SLX4: variants seen among roughly 807,000 people sequenced by gnomAD.
SLX4 encodes SLX4 structure-specific endonuclease subunit.
SLX4 carries 112 observed loss-of-function variants against 146.2 expected under a neutral mutation model. That is an observed-to-expected ratio of 0.77 (90% CI 0.66 to 0.90). The LOEUF (loss-of-function observed/expected upper bound fraction) is 0.90. SLX4 is among the 40% of genes least tolerant of loss of function. SLX4 has a pLI of 0.00. For synonymous variants in SLX4, 1,061 were observed against 997.7 expected, an observed-to-expected ratio of 1.06 and a Z score of -1.20; for missense variants, 2,563 against 2,392.7, an observed-to-expected ratio of 1.07 and a Z score of -1.49.
intron 12 of SLX4, among the ~76,000 whole-genome samples, chr16:3,585,878 G>C (rs901522745): frequency 3.3e-5 from 5 of 151,782 alleles, no homozygotes; most frequent in Non-Finnish European, 7.4e-5. Context: ...AGCTGTTTGT[G>C]GCTGGTTCCA....
chr16:3,596,727 G>A (rs2040663937), intron 7 of SLX4, among the ~76,000 whole-genome samples: 1 of 152,186 alleles, frequency 6.6e-6, no homozygotes. Flanking sequence ...CGTACTGACT[G>A]TAGGGCTACC....
intron 5 of SLX4, among the ~76,000 whole-genome samples, chr16:3,598,884 T>G (rs916831368): frequency 2.0e-5 from 3 of 152,248 alleles, no homozygotes; most frequent in East Asian, 1.9e-4. Context: ...AGGCCAGGTT[T>G]GGGCTGTGGG....
intron 13 of SLX4, among the ~76,000 whole-genome samples, chr16:3,584,360 G>A (rs1312798140): frequency 6.6e-6 from 1 of 151,784 alleles, no homozygotes; most frequent in Admixed American, 6.6e-5. Flanking sequence ...GGTGGAGGTT[G>A]CAGTGAGCCG....
At chr16:3,594,347 G>T (rs578140809) in intron 10 of SLX4, 106 bp downstream of exon 10, 2 of 1,451,408 alleles carry the variant, frequency 1.4e-6, no homozygotes, top group Non-Finnish European at 1.9e-6. Flanking sequence ...AGGGAGAGTG[G>T]GGGGGTGGAA....
Position 3,590,865 on chromosome 16 carries a change from G to A in SLX4, c.2773C>T (p.Gln925Ter). The A allele has an allele frequency of 2.5e-6, 4 of 1,614,138 alleles. No individual in the cohort carries two copies. The highest frequency in any genetic ancestry group is 2.5e-6 in the Non-Finnish European group (3 of 1,180,024). ...CCCTGGGGTGGCGGGAGAGCGCACT[G>A]TCCCATCTTCTCCCAGGTGGTGGCG... The part of the protein sequence containing the change: ...EAATTWEKMG[Q>*]CALPPPQGQH... Residue 925 changes from glutamine (Q) to a stop codon, truncating the protein, a stop_gained, in exon 12 of 15, where the codon CAG becomes TAG. Coordinates refer to ENST00000294008, the MANE Select transcript of SLX4 (RefSeq NM_032444.4). LOFTEE classifies it high-confidence loss of function. The surrounding 1 kb of genome is among the most constrained non-coding windows in gnomAD (Gnocchi z 4.8).
In SLX4 at chr16:3,582,240, C is replaced by T. The variant is rs531417263; in HGVS notation, c.*102G>A. Reference sequence around the variant, plus strand: ...GATGTGGTCCCCAGGCCCAGAAATGCCTGTGGAGGCCTGACCCACGCTGGG... The same window carrying T: ...GATGTGGTCCCCAGGCCCAGAAATGTCTGTGGAGGCCTGACCCACGCTGGG... On this transcript the variant is annotated 3_prime_UTR_variant, in exon 15 of 15. Transcript: ENST00000294008. The T allele has an allele frequency of 6.2e-4, 602 of 966,154 alleles. 1 individual carries two copies. Among genetic ancestry groups the T allele is most frequent in the Middle Eastern group, 4.7e-3 (15 of 3,170 alleles). 59.8% of individuals were successfully genotyped at this position (966,154 alleles called of 1,614,324 possible). A position where few individuals can be genotyped will look rare whatever the true frequency, so the allele number is the denominator to read the frequency against.
Position 3,608,787 on chromosome 16 carries a change from G to T in SLX4, c.178C>A (p.Gln60Lys), listed in dbSNP as rs779955704. Reference protein sequence around the residue: ...DFKELCASFFQRVKKHGIKEV... With the variant: ...DFKELCASFFKRVKKHGIKEV... Reference sequence around the variant, plus strand: ...TTGATTCCATGTTTTTTCACCCTTTGGAAAAAGCTAGCGCAGAGTTCTTTA... The same window carrying T: ...TTGATTCCATGTTTTTTCACCCTTTTGAAAAAGCTAGCGCAGAGTTCTTTA... The change falls in exon 2 of 15, where the codon CAA becomes AAA. Residue 60 changes from glutamine (Q) to lysine (K), a missense_variant. Physicochemically the swap from Gln to Lys is moderately conservative, Grantham distance 53 (BLOSUM62 1). Coordinates refer to ENST00000294008, the MANE Select transcript of SLX4 (RefSeq NM_032444.4). 1 of 1,614,040 alleles carries T rather than the reference G, an allele frequency of 6.2e-7. No individual in the cohort carries two copies. Among genetic ancestry groups the T allele is most frequent in the South Asian group, 1.1e-5 (1 of 91,084 alleles).
chr16:3,591,919 C>T (rs556141458), intron 11 of SLX4, among the ~76,000 whole-genome samples: 1 of 152,076 alleles, frequency 6.6e-6, no homozygotes, highest in Admixed American at 6.6e-5. Context: ...CTTTGGGAGG[C>T]GGAGGCAGGA....
intron 3 of SLX4, among the ~76,000 whole-genome samples, chr16:3,604,132 C>G (rs891006853): frequency 4.0e-5 from 6 of 150,136 alleles, no homozygotes. Flanking sequence ...CTCAGGAGGC[C>G]GAGGCACGAG....
At chr16:3,610,529 C>G (rs1269759434) in intron 1 of SLX4, among the ~76,000 whole-genome samples, 1 of 152,210 alleles carries the variant, frequency 6.6e-6, no homozygotes, top group African/African-American at 2.4e-5. Context: ...CTCTTGTCAT[C>G]CTGTCTTTAC....
At chr16:3,593,133 A>G (rs1471004407) in intron 10 of SLX4, among the ~76,000 whole-genome samples, 1 of 144,960 alleles carries the variant, frequency 6.9e-6, no homozygotes, top group Non-Finnish European at 1.5e-5. Context: ...TGCAGTGGTG[A>G]GATCTCGGCT....
intron 11 of SLX4, 104 bp downstream of exon 11, chr16:3,592,595 G>C (rs952508034): frequency 9.7e-6 from 13 of 1,341,702 alleles, no homozygotes; most frequent in Non-Finnish European, 1.4e-5. Context: ...AGGACTGTTA[G>C]TTCTCTTGGC....
Position 3,590,105 on chromosome 16 carries a change from T to A in SLX4, c.3533A>T (p.Glu1178Val). The change falls in exon 12 of 15, where the codon GAA becomes GTA. Residue 1178 changes from glutamate (E) to valine (V), a missense_variant. By Grantham distance (121) the Glu-to-Val change is moderately radical. Transcript: ENST00000294008. The surrounding 1 kb of genome is among the most constrained non-coding windows in gnomAD (Gnocchi z 4.8). Reference protein sequence around the residue: ...MKSISSDPLEEKKALEISPRS... With the variant: ...MKSISSDPLEVKKALEISPRS... Reference sequence around the variant, plus strand: ...AGGGCTAATTTCTAGAGCTTTCTTTTCTTCCAGAGGATCACTAGAAATGGA... The same window carrying A: ...AGGGCTAATTTCTAGAGCTTTCTTTACTTCCAGAGGATCACTAGAAATGGA... 1 of 1,614,224 alleles carries A rather than the reference T, an allele frequency of 6.2e-7. No homozygotes were observed. Among genetic ancestry groups the A allele is most frequent in the Non-Finnish European group, 8.5e-7 (1 of 1,180,052 alleles).
At chr16:3,588,490 G>A (rs866718882) in intron 12 of SLX4, among the ~76,000 whole-genome samples, 9 of 152,326 alleles carry the variant, frequency 5.9e-5, no homozygotes, top group Admixed American at 1.3e-4. Flanking sequence ...ATCTCCTGAC[G>A]GGCATTTGGG....
chr16:3,582,830 C>T (rs2040456394), intron 14 of SLX4, 137 bp from the exon 15 acceptor site: 2 of 912,260 alleles, frequency 2.2e-6, no homozygotes, highest in South Asian at 1.4e-5. Context: ...CAAGGCAGGA[C>T]GGGCCTGAGA....
intron 5 of SLX4, 34 bp from the exon 6 acceptor site, chr16:3,598,033 C>A: frequency 1.2e-6 from 2 of 1,613,088 alleles, no homozygotes; most frequent in Non-Finnish European, 1.7e-6. Context: ...GTTACTGGGG[C>A]TAGAGGAGTG....
In SLX4 at chr16:3,592,785, G is replaced by A. The variant is rs143790956; in HGVS notation, c.2241C>T (p.Ala747=). ...RVLLGDVSTE[A]ARTFLHYLYT... ...AGAGATAGTGCAGGAACGTGCGGGCGGCCTCGGTGCTCACGTCACCCAGCA... is the reference window on the plus strand; with the variant it reads ...AGAGATAGTGCAGGAACGTGCGGGCAGCCTCGGTGCTCACGTCACCCAGCA... Residue 747 remains alanine (A), a synonymous_variant, in exon 11 of 15, where the codon GCC becomes GCT. Coordinates refer to ENST00000294008, the MANE Select transcript of SLX4 (RefSeq NM_032444.4). 3.0e-5 allele frequency: 48 copies of A among 1,612,668 alleles called. No homozygotes were observed. The African/African-American group carries it at 4.5e-4, about 15-fold the overall frequency.
At chr16:3,606,140 A>G (rs1837988156) in intron 3 of SLX4, among the ~76,000 whole-genome samples, 1 of 150,964 alleles carries the variant, frequency 6.6e-6, no homozygotes. Context: ...CACGTCTGTA[A>G]TCCCACTGGC....
chr16:3,593,083 T>C (rs996997248), intron 10 of SLX4, among the ~76,000 whole-genome samples: 2 of 152,184 alleles, frequency 1.3e-5, no homozygotes, highest in African/African-American at 4.8e-5. Flanking sequence ...TTAATTTTAT[T>C]ATTTTGAGTT....
Sources: gnomAD v4.1 joint callset for allele counts (sites outside exome capture counted in the v4.1 genomes callset) on GRCh38, gnomAD v4.1.1 for gene constraint, Gnocchi (gnomAD v3.1) non-coding constraint, MANE v1.5 for transcripts, NCBI Gene and HGNC (gene_info 2026-07-23, HGNC 2026-07-21) for gene names.